NKAIN3: variants seen among roughly 807,000 people sequenced by gnomAD.
NKAIN3 encodes the protein sodium/potassium-transporting ATPase subunit beta-1-interacting protein 3.
In NKAIN3, 25 loss-of-function variants were observed where a neutral mutation model predicts 30.2. That is an observed-to-expected ratio of 0.83 (90% CI 0.60 to 1.16). NKAIN3 has a LOEUF of 1.16. Among genes scored for constraint, NKAIN3 ranks in the 50% most tolerant of loss-of-function variants. The pLI is 0.00. For missense variants in NKAIN3, 225 were observed against 254.1 expected (o/e 0.89, Z 0.78); for synonymous variants, 91 against 89.6 (o/e 1.02, Z -0.09).
intron 1 of NKAIN3, among the ~76,000 whole-genome samples, chr8:62,553,827 C>G (rs1563454446): frequency 6.6e-6 from 1 of 152,218 alleles, no homozygotes; most frequent in African/African-American, 2.4e-5. Flanking sequence ...TGTGAGCCAC[C>G]ACACCTGGCC....
chr8:62,819,856 T>C (rs1046632339), intron 4 of NKAIN3, among the ~76,000 whole-genome samples: 2 of 152,072 alleles, frequency 1.3e-5, no homozygotes, highest in Admixed American at 6.6e-5. Context: ...TTTTAAAAAC[T>C]TCAAGTAGTC....
intron 3 of NKAIN3, among the ~76,000 whole-genome samples, chr8:62,719,882 G>T (rs547723470): frequency 6.8e-6 from 1 of 147,616 alleles, no homozygotes; most frequent in African/African-American, 2.5e-5. Flanking sequence ...TCAGCCTCCC[G>T]AGTAGCTGGG....
At chr8:62,411,856 G>A (rs1439879420) in intron 1 of NKAIN3, among the ~76,000 whole-genome samples, 5 of 152,130 alleles carry the variant, frequency 3.3e-5, no homozygotes, top group Admixed American at 1.3e-4. Flanking sequence ...CGAAAGGGGT[G>A]AAGTATTTCT....
At chr8:62,336,819 C>T (rs1279527935) in intron 1 of NKAIN3, among the ~76,000 whole-genome samples, 1 of 151,940 alleles carries the variant, frequency 6.6e-6, no homozygotes, top group Non-Finnish European at 1.5e-5. Flanking sequence ...CTGGGATGGT[C>T]CACAACCGAA....
chr8:62,339,220 T>TGA (rs1815663260), intron 1 of NKAIN3, among the ~76,000 whole-genome samples: 1 of 151,886 alleles, frequency 6.6e-6, no homozygotes, highest in Non-Finnish European at 1.5e-5. Context: ...GTGAGTTAAG[T>TGA]GAGAGATTGT....
chr8:62,802,055 G>A (rs1818083707), intron 4 of NKAIN3, among the ~76,000 whole-genome samples: 1 of 152,000 alleles, frequency 6.6e-6, no homozygotes, highest in Non-Finnish European at 1.5e-5. Flanking sequence ...GAAGCGAGAA[G>A]GGAAGTTTAG....
At chr8:62,900,633 C>A (rs926158216) in intron 4 of NKAIN3, among the ~76,000 whole-genome samples, 4 of 152,186 alleles carry the variant, frequency 2.6e-5, no homozygotes, top group Admixed American at 6.5e-5. Flanking sequence ...AATGAACATA[C>A]AGTGTTCAAA....
At chr8:62,562,515 A>G (rs1809619559) in intron 1 of NKAIN3, among the ~76,000 whole-genome samples, 2 of 152,162 alleles carry the variant, frequency 1.3e-5, no homozygotes, top group South Asian at 2.1e-4. Flanking sequence ...GTTTACTGCA[A>G]CTGTCAATGG....
chr8:62,582,425 G>C (rs1032550609), intron 2 of NKAIN3, among the ~76,000 whole-genome samples: 2 of 152,134 alleles, frequency 1.3e-5, no homozygotes, highest in African/African-American at 4.8e-5. Flanking sequence ...ACTGCGATAA[G>C]TGATACGAAG....
intron 4 of NKAIN3, among the ~76,000 whole-genome samples, chr8:62,786,274 A>G (rs879697906): frequency 4.6e-5 from 7 of 152,166 alleles, no homozygotes; most frequent in Admixed American, 4.6e-4. Context: ...GAATAAATAA[A>G]TGACTAAATA....
chr8:62,580,906 T>TTATATATATATATA (rs71255350), intron 2 of NKAIN3, among the ~76,000 whole-genome samples: 5 of 112,316 alleles, frequency 4.5e-5, no homozygotes, highest in East Asian at 2.4e-4. Flanking sequence ...GCTAGGGTTT[T>TTATATATATATATA]TATATATATA....
chr8:62,345,258 T>TAC (rs34666037), intron 1 of NKAIN3, among the ~76,000 whole-genome samples: 115,237 of 142,720 alleles, frequency 0.81, 48,395 homozygotes, highest in South Asian at 0.91. Context: ...GGTATATATA[T>TAC]ACACACACAC....
chr8:62,452,347 G>T (rs981410768), intron 1 of NKAIN3, among the ~76,000 whole-genome samples: 10 of 151,982 alleles, frequency 6.6e-5, no homozygotes, highest in Admixed American at 3.3e-4. Context: ...GTGGTGGCAT[G>T]CACCTGTAAT....
intron 4 of NKAIN3, among the ~76,000 whole-genome samples, chr8:62,906,867 A>T (rs1460158029): frequency 6.6e-6 from 1 of 152,206 alleles, no homozygotes; most frequent in Non-Finnish European, 1.5e-5. Flanking sequence ...GAACAGACTA[A>T]TACAGTAAAT....
At chr8:62,753,316 A>C (rs1407920423) in intron 4 of NKAIN3, among the ~76,000 whole-genome samples, 1 of 151,934 alleles carries the variant, frequency 6.6e-6, no homozygotes, top group Admixed American at 6.6e-5. Context: ...CTCTATTATC[A>C]ATTAATGTCA....
At chr8:62,939,352 T>A (rs1822883470) in intron 5 of NKAIN3, among the ~76,000 whole-genome samples, 1 of 152,176 alleles carries the variant, frequency 6.6e-6, no homozygotes, top group Non-Finnish European at 1.5e-5. Context: ...TGAGGAAAAC[T>A]TTTCTGGCCT....
intron 1 of NKAIN3, among the ~76,000 whole-genome samples, chr8:62,382,683 A>T (rs1475596608): frequency 3.3e-5 from 5 of 152,012 alleles, no homozygotes; most frequent in South Asian, 2.1e-4. Flanking sequence ...TGCTTCTTCT[A>T]TGTCTTCTTC....
intron 1 of NKAIN3, among the ~76,000 whole-genome samples, chr8:62,325,984 TGC>T (rs1815108261): frequency 6.6e-6 from 1 of 152,076 alleles, no homozygotes; most frequent in African/African-American, 2.4e-5. Flanking sequence ...TTATTTATTT[TGC>T]TGTGAAATAG....
chr8:62,824,106 G>A (rs879196949), intron 4 of NKAIN3, among the ~76,000 whole-genome samples: 1 of 152,178 alleles, frequency 6.6e-6, no homozygotes, highest in Admixed American at 6.5e-5. Context: ...GAGGGAAGGA[G>A]ATTGAGATTT....
Sources: gnomAD v4.1 joint callset for allele counts (sites outside exome capture counted in the v4.1 genomes callset) on GRCh38, gnomAD v4.1.1 for gene constraint, MANE v1.5 for transcripts, NCBI Gene and HGNC (gene_info 2026-07-23, HGNC 2026-07-21) for gene names.